CCDC32: variants seen among roughly 807,000 people sequenced by gnomAD.
CCDC32 encodes coiled-coil domain-containing protein 32.
A neutral mutation model predicts 20.1 loss-of-function variants in CCDC32; 9 were observed. The ratio of observed to expected loss-of-function variants is 0.45; its 90% CI spans 0.27 to 0.78. The LOEUF (loss-of-function observed/expected upper bound fraction) is 0.78. Among genes scored for constraint, CCDC32 ranks in the 30% least tolerant of loss-of-function variants. The pLI, the probability that CCDC32 is intolerant of heterozygous loss-of-function variation, is 0.16. For missense variants in CCDC32, 204 were observed against 215.5 expected (o/e 0.95, Z 0.33); for synonymous variants, 63 against 79.0 (o/e 0.80, Z 1.07).
chr15:40,553,793 C>T lies in CCDC32; in HGVS notation c.*178G>A, dbSNP rs182742072. On this transcript the variant is annotated 3_prime_UTR_variant, in exon 4 of 4. Transcript: ENST00000416810. Reference sequence around the variant, plus strand: ...CCCCAGGTAAGTCCCTGGGGGCTTGCAGCTGTTTTCTTTGTGGAGTGGAAA... The same window carrying T: ...CCCCAGGTAAGTCCCTGGGGGCTTGTAGCTGTTTTCTTTGTGGAGTGGAAA... The T allele has an allele frequency of 5.3e-5, 74 of 1,396,202 alleles. 1 individual carries two copies. In the East Asian group the frequency reaches 1.7e-3, roughly 33 times the overall value. 86.5% of individuals were successfully genotyped at this position (1,396,202 alleles called of 1,614,324 possible). A position where few individuals can be genotyped will look rare whatever the true frequency, so the allele number is the denominator to read the frequency against.
rs1890083595 is a variant in CCDC32, at chr15:40,554,220, C to A, written c.402-93G>T. On this transcript the variant is annotated intron_variant, in intron 3 of 3. Coordinates refer to ENST00000416810, the MANE Select transcript of CCDC32 (RefSeq NM_001080792.4). ...CAGTTACTCAAACACTACCTTCCCG[C>A]CCACCAGCAATTTCTTCCTACAATT... 5 of 1,482,378 alleles carry A rather than the reference C, an allele frequency of 3.4e-6. No individual in the cohort carries two copies. In the East Asian group the frequency reaches 9.3e-5, roughly 28 times the overall value. The allele number at this position is 1,482,378 out of a possible 1,614,324, so 91.8% of individuals were successfully genotyped here.
In CCDC32 at chr15:40,557,212, T is replaced by C; in HGVS notation, c.401+4A>G. On this transcript the variant is annotated splice_donor_region_variant and intron_variant, in intron 3 of 3. Coordinates refer to ENST00000416810, the MANE Select transcript of CCDC32 (RefSeq NM_001080792.4). The stretch of plus-strand genomic sequence containing the variant: ...CAGCTGGAACTAGACGGGGAATCGA[T>C]TACCTCTCATCAGAATCAAGTCCAT... 2 of 1,607,294 alleles carry C rather than the reference T, an allele frequency of 1.2e-6. No homozygotes were observed. The highest frequency in any genetic ancestry group is 2.2e-5 in the East Asian group (1 of 44,752).
downstream of CCDC32, among the ~76,000 whole-genome samples, chr15:40,551,242 C>T (rs1430265339): frequency 6.6e-6 from 1 of 151,918 alleles, no homozygotes; most frequent in Non-Finnish European, 1.5e-5. Context: ...ATTAGCCGGG[C>T]GTGGTGGTGG....
At chr15:40,535,073 G>T, downstream of CCDC32, 1 of 766,434 alleles carries the variant, frequency 1.3e-6, no homozygotes, top group Non-Finnish European at 2.3e-6. Flanking sequence ...GGAGGGTCTT[G>T]ACTGCTAAGC....
chr15:40,556,837 C>CAAAAA (rs10647113), intron 3 of CCDC32: 5 of 111,156 alleles, frequency 4.5e-5, no homozygotes, highest in East Asian at 4.9e-4. Flanking sequence ...GATTCCATCT[C>CAAAAA]AAAAAAAAAA....
At chr15:40,552,678 G>T (rs938001860), downstream of CCDC32, among the ~76,000 whole-genome samples, 1 of 148,858 alleles carries the variant, frequency 6.7e-6, no homozygotes, top group Admixed American at 6.8e-5. Flanking sequence ...AGGAGGCTGA[G>T]GTGGGAGGAT....
downstream of CCDC32, among the ~76,000 whole-genome samples, chr15:40,531,115 A>G (rs528111525): frequency 6.6e-6 from 1 of 151,640 alleles, no homozygotes; most frequent in Middle Eastern, 3.4e-3. Flanking sequence ...AGTGGGAGCT[A>G]AATGTGTACA....
At chr15:40,527,569 A>G (rs12916218), downstream of CCDC32, among the ~76,000 whole-genome samples, 134,393 of 152,264 alleles carry the variant, frequency 0.88, 59,660 homozygotes, top group Non-Finnish European at 0.93. Context: ...AGTATTGGGA[A>G]GTGGGGTCTT....
At chr15:40,560,248 T>C (rs931510668) in intron 2 of CCDC32, among the ~76,000 whole-genome samples, 5 of 152,216 alleles carry the variant, frequency 3.3e-5, no homozygotes, top group African/African-American at 1.2e-4. Flanking sequence ...GACCTTGTGA[T>C]CTGCCTGCCT....
the CCDC32 span, among the ~76,000 whole-genome samples, chr15:40,522,296 AATTCT>A: frequency 6.6e-6 from 1 of 152,174 alleles, no homozygotes; most frequent in Non-Finnish European, 1.5e-5. Flanking sequence ...CTGGACTCAC[AATTCT>A]ATTCTATTGC....
chr15:40,542,990 TA>T (rs34164113), intron 3 of CCDC32, among the ~76,000 whole-genome samples: 141,628 of 145,352 alleles, frequency 0.97, 69,038 homozygotes, highest in South Asian at 1. Flanking sequence ...AGACTTTTCT[TA>T]AAAAAAAAAA....
chr15:40,540,844 C>T (rs1889360479), intron 3 of CCDC32, among the ~76,000 whole-genome samples: 1 of 152,160 alleles, frequency 6.6e-6, no homozygotes, highest in Non-Finnish European at 1.5e-5. Context: ...CAGCCTGGAG[C>T]GTCCATTGCC....
At chr15:40,563,965 C>T (rs1219048612) in intron 1 of CCDC32, among the ~76,000 whole-genome samples, 1 of 152,076 alleles carries the variant, frequency 6.6e-6, no homozygotes, top group Non-Finnish European at 1.5e-5. Flanking sequence ...GGACTACAGG[C>T]ACTCGCCACC....
chr15:40,523,645 T>C, the CCDC32 span, among the ~76,000 whole-genome samples: 1 of 151,868 alleles, frequency 6.6e-6, no homozygotes, highest in African/African-American at 2.4e-5. Context: ...TAAAAGTAAA[T>C]AGGTAAAAGA....
downstream of CCDC32, chr15:40,535,358 G>T: frequency 9.0e-7 from 1 of 1,116,756 alleles, no homozygotes; most frequent in Non-Finnish European, 1.1e-6. Context: ...TTTAAAGTCT[G>T]CACTGAACAG....
chr15:40,547,115 TG>T (rs1442559739), intron 3 of CCDC32, among the ~76,000 whole-genome samples: 1 of 152,090 alleles, frequency 6.6e-6, no homozygotes, highest in African/African-American at 2.4e-5. Context: ...CCTGTTGGTC[TG>T]GGGGGTTGAG....
chr15:40,563,025 G>A lies in CCDC32; in HGVS notation c.-10C>T. 6.2e-7 allele frequency: 1 copy of A among 1,613,296 alleles called. No homozygotes were observed. The highest frequency in any genetic ancestry group is 8.5e-7 in the Non-Finnish European group (1 of 1,179,842). On this transcript the variant is annotated splice_region_variant and 5_prime_UTR_variant, in exon 2 of 4. Transcript: ENST00000416810. The stretch of plus-strand genomic sequence containing the variant: ...TCTCAAACATTTTCATTTGGAATCT[G>A]AGCTATAAAACAGAAGCTCAAGTGA...
At position 40,565,037 on chromosome 15, in the gene CCDC32, G is replaced by A; in HGVS notation, c.-74C>T. 1.8e-6 allele frequency: 1 copy of A among 558,206 alleles called. No homozygotes were observed. The highest frequency in any genetic ancestry group is 3.2e-6 in the Non-Finnish European group (1 of 312,234). The allele number at this position is 558,206 out of a possible 1,614,324, so 34.6% of individuals were successfully genotyped here. A position where few individuals can be genotyped will look rare whatever the true frequency, so the allele number is the denominator to read the frequency against. ...GTCGCCTGTAGCCCGGAGGAAATCGGGAGGGGCGGAGTCCCCTAGTGACGG... is the reference window on the plus strand; with the variant it reads ...GTCGCCTGTAGCCCGGAGGAAATCGAGAGGGGCGGAGTCCCCTAGTGACGG... On this transcript the variant is annotated 5_prime_UTR_variant, in exon 1 of 4. Transcript: ENST00000416810.
downstream of CCDC32, among the ~76,000 whole-genome samples, chr15:40,525,679 G>A (rs576656077): frequency 5.9e-5 from 9 of 152,248 alleles, no homozygotes; most frequent in East Asian, 1.9e-4. Flanking sequence ...CTGGGACCTC[G>A]CCTGCTCCTC....
Sources: gnomAD v4.1 joint callset for allele counts (sites outside exome capture counted in the v4.1 genomes callset) on GRCh38, gnomAD v4.1.1 for gene constraint, MANE v1.5 for transcripts, NCBI Gene and HGNC (gene_info 2026-07-23, HGNC 2026-07-21) for gene names.